DOCK4: variants seen among roughly 807,000 people sequenced by gnomAD.
DOCK4 encodes dedicator of cytokinesis protein 4.
Under a neutral mutation model 268.1 loss-of-function variants are expected in DOCK4, and 97 were observed. The ratio of observed to expected loss-of-function variants is 0.36; its 90% CI spans 0.31 to 0.43. DOCK4 has a LOEUF of 0.43. DOCK4 is among the 20% of genes least tolerant of loss of function. The pLI is 1.00. For missense variants in DOCK4, 2,145 were observed against 2,455.7 expected, an observed-to-expected ratio of 0.87 and a Z score of 2.67; for synonymous variants, 954 against 887.2, an observed-to-expected ratio of 1.08 and a Z score of -1.34.
At chr7:111,809,988 C>CAA (rs141294490) in intron 28 of DOCK4, among the ~76,000 whole-genome samples, 5,428 of 126,084 alleles carry the variant, frequency 0.043, 347 homozygotes, top group African/African-American at 0.14. Flanking sequence ...ATAAACTTAG[C>CAA]AAAAAAAAAA....
chr7:111,953,567 G>A (rs1344312914), intron 8 of DOCK4: 6 of 152,214 alleles, frequency 3.9e-5, no homozygotes, highest in African/African-American at 1.4e-4. Context: ...CATAAGAATT[G>A]TTGAGCTAAA....
rs554121948 is a variant in DOCK4, at chr7:111,814,090, G to T, written c.2931-2141C>A. Reference sequence around the variant, plus strand: ...GACGTTCAGACACAATACCTCTGGTGTTAGTGAAATATGACATATCTGGAA... The same window carrying T: ...GACGTTCAGACACAATACCTCTGGTTTTAGTGAAATATGACATATCTGGAA... On this transcript the variant is annotated intron_variant, in intron 27 of 52. Transcript: ENST00000428084. 7.2e-5 allele frequency among the ~76,000 whole-genome samples: 11 copies of T among 152,310 alleles called. 1 individual carries two copies. In the South Asian group the frequency reaches 2.1e-3, roughly 29 times the overall value.
intron 1 of DOCK4, among the ~76,000 whole-genome samples, chr7:112,072,960 C>A (rs555176989): frequency 6.6e-6 from 1 of 152,166 alleles, no homozygotes; most frequent in African/African-American, 2.4e-5. Context: ...CAGGCCACTG[C>A]GCATGCAGAC....
intron 10 of DOCK4, among the ~76,000 whole-genome samples, chr7:111,941,331 C>T (rs988471350): frequency 5.3e-5 from 8 of 151,952 alleles, no homozygotes; most frequent in East Asian, 1.9e-4. Flanking sequence ...GTCTGAAAAC[C>T]GAACACTTTA....
At chr7:111,981,741 C>A in intron 7 of DOCK4, among the ~76,000 whole-genome samples, 1 of 152,144 alleles carries the variant, frequency 6.6e-6, no homozygotes, top group East Asian at 1.9e-4. Flanking sequence ...GGACTAGGAT[C>A]TGAGCTGTAA....
intron 1 of DOCK4, among the ~76,000 whole-genome samples, chr7:112,106,012 G>T (rs1811120403): frequency 6.6e-6 from 1 of 152,164 alleles, no homozygotes; most frequent in Admixed American, 6.5e-5. Context: ...CTTCTATCAA[G>T]GAATGGGAAG....
At chr7:111,783,671 A>C (rs1798949943) in intron 34 of DOCK4, among the ~76,000 whole-genome samples, 186 bp downstream of exon 34, 1 of 152,158 alleles carries the variant, frequency 6.6e-6, no homozygotes, top group Admixed American at 6.5e-5. Flanking sequence ...CAAAAAACAA[A>C]CAAAAGCTCA....
At chr7:111,738,375 T>C (rs564706222) in intron 49 of DOCK4, among the ~76,000 whole-genome samples, 61 of 152,294 alleles carry the variant, frequency 4.0e-4, no homozygotes, top group Admixed American at 3.1e-3. Flanking sequence ...GGTACCCAGA[T>C]AGGAATCGAT....
intron 1 of DOCK4, among the ~76,000 whole-genome samples, chr7:112,032,688 C>A (rs1262876653): frequency 6.6e-6 from 1 of 152,098 alleles, no homozygotes; most frequent in African/African-American, 2.4e-5. Flanking sequence ...CCAGCCATAT[C>A]ATTGTGATTT....
At chr7:111,901,904 A>C in intron 13 of DOCK4, 103 bp from the exon 14 acceptor site, 1 of 777,562 alleles carries the variant, frequency 1.3e-6, no homozygotes, top group Non-Finnish European at 2.0e-6. Flanking sequence ...ACTGCTATAC[A>C]TACATATAAA....
At chr7:111,778,044 C>T (rs1379541285) in intron 36 of DOCK4, among the ~76,000 whole-genome samples, 1 of 151,922 alleles carries the variant, frequency 6.6e-6, no homozygotes, top group Non-Finnish European at 1.5e-5. Context: ...TTTTGTAATC[C>T]CCAGAGCAAC....
At chr7:112,008,006 T>G (rs1800994458) in intron 1 of DOCK4, among the ~76,000 whole-genome samples, 1 of 152,196 alleles carries the variant, frequency 6.6e-6, no homozygotes, top group Admixed American at 6.5e-5. Context: ...AATATCACGG[T>G]TTACCAAAGA....
intron 1 of DOCK4, among the ~76,000 whole-genome samples, chr7:112,024,537 A>C (rs191613966): frequency 1.6e-3 from 242 of 152,150 alleles, no homozygotes; most frequent in African/African-American, 5.4e-3. Flanking sequence ...CCAACCCATC[A>C]ACAAATACTG....
At chr7:111,820,603 C>T (rs141401769) in intron 27 of DOCK4, 141 of 152,198 alleles carry the variant, frequency 9.3e-4, no homozygotes, top group African/African-American at 3.0e-3. Flanking sequence ...ACTGAAGTAA[C>T]GATGGGGCAG....
chr7:111,795,469 T>G (rs1231228876), intron 30 of DOCK4, among the ~76,000 whole-genome samples: 1 of 151,906 alleles, frequency 6.6e-6, no homozygotes. Flanking sequence ...TCCCACAGAG[T>G]GGAGAAAGCC....
intron 1 of DOCK4, among the ~76,000 whole-genome samples, chr7:112,205,535 G>A (rs1159133226): frequency 2.0e-5 from 3 of 152,182 alleles, no homozygotes; most frequent in Non-Finnish European, 4.4e-5. Flanking sequence ...AGGAGGGTCA[G>A]AGAGGGCTCA....
chr7:111,918,694 C>A (rs148387386), intron 12 of DOCK4, among the ~76,000 whole-genome samples: 359 of 152,300 alleles, frequency 2.4e-3, no homozygotes, highest in African/African-American at 7.8e-3. Context: ...TCACCCACAT[C>A]ATTACCATCA....
chr7:112,193,598 T>TAAAAAAA (rs564039337), intron 1 of DOCK4, among the ~76,000 whole-genome samples: 99 of 132,206 alleles, frequency 7.5e-4, no homozygotes, highest in South Asian at 2.3e-3. Flanking sequence ...GACCATGCCT[T>TAAAAAAA]AAAAAAAAAA....
intron 30 of DOCK4, among the ~76,000 whole-genome samples, chr7:111,806,919 A>C (rs1337312692): frequency 6.6e-6 from 1 of 152,216 alleles, no homozygotes; most frequent in Non-Finnish European, 1.5e-5. Context: ...GAGAGGCAGA[A>C]ATAGTTTCAT....
Sources: gnomAD v4.1 joint callset for allele counts (sites outside exome capture counted in the v4.1 genomes callset) on GRCh38, gnomAD v4.1.1 for gene constraint, MANE v1.5 for transcripts, NCBI Gene and HGNC (gene_info 2026-07-23, HGNC 2026-07-21) for gene names.